The following LARGE1 variants were observed in gnomAD, a reference collection of about 807,000 sequenced individuals.
LARGE1 encodes LARGE xylosyl- and glucuronyltransferase 1.
In LARGE1, 43 loss-of-function variants were observed where a neutral mutation model predicts 87.6. The ratio of observed to expected loss-of-function variants is 0.49; its 90% CI spans 0.38 to 0.63. The LOEUF (loss-of-function observed/expected upper bound fraction) is 0.63. LARGE1 is among the 30% of genes least tolerant of loss of function. The pLI is 0.00. For synonymous variants in LARGE1, 434 were observed against 394.6 expected, an observed-to-expected ratio of 1.10 and a Z score of -1.18; for missense variants, 802 against 1,000.2, an observed-to-expected ratio of 0.80 and a Z score of 2.67.
At chr22:33,632,366 C>T (rs2080137986) in intron 3 of LARGE1, among the ~76,000 whole-genome samples, 3 of 152,258 alleles carry the variant, frequency 2.0e-5, no homozygotes, top group African/African-American at 7.2e-5. Context: ...TCATGTGATC[C>T]GCCCACCTCG....
rs576757085 is a variant in LARGE1, at chr22:33,561,004, T to C, written c.787+3844A>G. ...TAATTTTTTGTATTTTTAGTAGAAA[T>C]GGGGTTTCACCGTGTTAGCCAGGAT... On this transcript the variant is annotated intron_variant, in intron 6 of 14. Transcript: ENST00000397394. Among the ~76,000 whole-genome samples, 11 of 152,184 alleles carry C rather than the reference T, an allele frequency of 7.2e-5. No homozygotes were observed. In the South Asian group the frequency reaches 2.3e-3, roughly 32 times the overall value.
intron 4 of LARGE1, among the ~76,000 whole-genome samples, chr22:33,623,133 T>C (rs1354118589): frequency 6.7e-6 from 1 of 149,630 alleles, no homozygotes; most frequent in Admixed American, 6.7e-5. Context: ...TTCTAGAAAG[T>C]GGGCTTTTTT....
chr22:33,103,577 G>A, the LARGE1 span, among the ~76,000 whole-genome samples: 1 of 152,096 alleles, frequency 6.6e-6, no homozygotes, highest in African/African-American at 2.4e-5. Context: ...GGCTGGAAGA[G>A]GTAACAACCA....
intron 1 of LARGE1, among the ~76,000 whole-genome samples, chr22:33,860,649 G>C (rs997838583): frequency 1.3e-5 from 2 of 152,148 alleles, no homozygotes; most frequent in Non-Finnish European, 2.9e-5. Context: ...CCTCAGAGGG[G>C]GCTCTTCTGA....
intron 7 of LARGE1, among the ~76,000 whole-genome samples, chr22:33,397,366 T>C (rs5998917): frequency 0.33 from 50,164 of 152,116 alleles, 9,394 homozygotes; most frequent in African/African-American, 0.51. Flanking sequence ...CCTACCGCCT[T>C]GGCCTCCCAA....
intron 11 of LARGE1, among the ~76,000 whole-genome samples, chr22:33,182,897 G>T (rs60352754): frequency 6.6e-6 from 1 of 152,020 alleles, no homozygotes; most frequent in Non-Finnish European, 1.5e-5. Flanking sequence ...CATGACATTG[G>T]TCTTAGCAAT....
chr22:33,758,615 A>G (rs1235550469), intron 2 of LARGE1, among the ~76,000 whole-genome samples: 2 of 152,162 alleles, frequency 1.3e-5, no homozygotes, highest in Non-Finnish European at 2.9e-5. Flanking sequence ...CCAGTTTCCC[A>G]TAATCTATCT....
At chr22:33,318,286 A>T (rs913197058) in intron 10 of LARGE1, among the ~76,000 whole-genome samples, 10 of 151,636 alleles carry the variant, frequency 6.6e-5, no homozygotes, top group African/African-American at 2.4e-4. Flanking sequence ...CTGTATTTCC[A>T]TAAAAACAAA....
chr22:33,275,683 A>G (rs969930898), intron 14 of LARGE1, among the ~76,000 whole-genome samples: 1 of 152,248 alleles, frequency 6.6e-6, no homozygotes. Flanking sequence ...GAAAAGGTTA[A>G]GAGTATGTCT....
intron 2 of LARGE1, among the ~76,000 whole-genome samples, chr22:33,666,571 G>A (rs889725353): frequency 1.3e-5 from 2 of 152,160 alleles, no homozygotes; most frequent in Non-Finnish European, 2.9e-5. Flanking sequence ...GTGGGAGCAG[G>A]GAAGAGATGC....
the LARGE1 span, among the ~76,000 whole-genome samples, chr22:33,114,111 C>T: frequency 2.7e-4 from 41 of 149,416 alleles, no homozygotes; most frequent in Non-Finnish European, 4.7e-4. Context: ...CTCCTGACCT[C>T]GTGATCCGCC....
chr22:33,142,435 C>T, the LARGE1 span, among the ~76,000 whole-genome samples: 1 of 152,252 alleles, frequency 6.6e-6, no homozygotes, highest in South Asian at 2.1e-4. Context: ...TTGGCCTTCC[C>T]TGATCATTTG....
At chr22:33,411,209 C>T (rs1401992089) in intron 7 of LARGE1, among the ~76,000 whole-genome samples, 3 of 152,168 alleles carry the variant, frequency 2.0e-5, no homozygotes, top group Non-Finnish European at 2.9e-5. Flanking sequence ...CGGCCACCCC[C>T]GTGTAAATAC....
At chr22:33,668,093 T>C (rs867410593) in intron 2 of LARGE1, among the ~76,000 whole-genome samples, 2 of 152,226 alleles carry the variant, frequency 1.3e-5, no homozygotes, top group African/African-American at 4.8e-5. Context: ...CAACTTATTA[T>C]TTTTTATAGA....
At chr22:33,260,767 T>G (rs1411149200) in intron 11 of LARGE1, among the ~76,000 whole-genome samples, 1 of 152,164 alleles carries the variant, frequency 6.6e-6, no homozygotes, top group African/African-American at 2.4e-5. Flanking sequence ...TTGCTTCCTT[T>G]ATTTGTTAAC....
Position 33,604,495 on chromosome 22 carries a change from G to C in LARGE1, c.555C>G (p.Leu185=), listed in dbSNP as rs1602669671. The C allele has an allele frequency of 2.5e-6, 4 of 1,614,134 alleles. No homozygotes were observed. Among genetic ancestry groups the C allele is most frequent in the Non-Finnish European group, 3.4e-6 (4 of 1,180,000 alleles). Residue 185 remains leucine (L), a synonymous_variant, in exon 5 of 15, where the codon CTC becomes CTG. Transcript: ENST00000397394. Reference sequence around the variant, plus strand: ...CAGCGGGCACCATCCAGGTCTGGAAGAGCGTGGCCAGGATCTGCTCCGCAA... The same window carrying C: ...CAGCGGGCACCATCCAGGTCTGGAACAGCGTGGCCAGGATCTGCTCCGCAA... ...DSIAEQILAT[L]FQTWMVPAVR...
chr22:33,407,851 GT>G (rs2066156557), intron 7 of LARGE1, among the ~76,000 whole-genome samples: 1 of 152,074 alleles, frequency 6.6e-6, no homozygotes, highest in Admixed American at 6.5e-5. Flanking sequence ...CAAAGCAGCT[GT>G]CAATCTAAAT....
intron 2 of LARGE1, among the ~76,000 whole-genome samples, chr22:33,716,203 C>T (rs896964275): frequency 1.3e-5 from 2 of 152,064 alleles, no homozygotes; most frequent in African/African-American, 4.8e-5. Context: ...ACAGGATGGC[C>T]GTTAGATTTG....
intron 7 of LARGE1, among the ~76,000 whole-genome samples, chr22:33,426,680 T>A (rs547607734): frequency 6.6e-6 from 1 of 152,336 alleles, no homozygotes; most frequent in African/African-American, 2.4e-5. Context: ...TGCTCTAACC[T>A]CAGAGGTGAG....
Sources: gnomAD v4.1 joint callset for allele counts (sites outside exome capture counted in the v4.1 genomes callset) on GRCh38, gnomAD v4.1.1 for gene constraint, MANE v1.5 for transcripts, NCBI Gene and HGNC (gene_info 2026-07-23, HGNC 2026-07-21) for gene names.